SDK1: variants seen among roughly 807,000 people sequenced by gnomAD.
SDK1 encodes the protein protein sidekick-1.
SDK1 carries 157 observed loss-of-function variants against 245.5 expected under a neutral mutation model. That is an observed-to-expected ratio of 0.64 (90% CI 0.56 to 0.73). The LOEUF is 0.73. Among genes scored for constraint, SDK1 ranks in the 30% least tolerant of loss-of-function variants. The probability of loss-of-function intolerance (pLI) is 0.00; values close to 1 mark genes in which losing one functional copy is unlikely to be tolerated. For missense variants in SDK1, 3,583 were observed against 3,002.3 expected (o/e 1.19, Z -4.52); for synonymous variants, 1,647 against 1,278.5 (o/e 1.29, Z -6.15).
intron 5 of SDK1, among the ~76,000 whole-genome samples, chr7:3,909,745 C>T (rs889816561): frequency 2.0e-5 from 3 of 152,200 alleles, no homozygotes; most frequent in African/African-American, 4.8e-5. Flanking sequence ...ATTAAAGAAC[C>T]ATCCGTCTCT....
chr7:3,554,982 C>T (rs1479539100), intron 1 of SDK1, among the ~76,000 whole-genome samples: 1 of 152,120 alleles, frequency 6.6e-6, no homozygotes, highest in African/African-American at 2.4e-5. Flanking sequence ...TTTGAAGAAT[C>T]AATATTGTTC....
intron 7 of SDK1, chr7:3,958,261 G>C: frequency 7.3e-6 from 2 of 275,068 alleles, no homozygotes; most frequent in South Asian, 3.2e-5. Flanking sequence ...TTGAATTTCT[G>C]CTGAATAAAC....
chr7:3,622,078 A>T (rs537210711), intron 2 of SDK1, among the ~76,000 whole-genome samples: 8 of 152,332 alleles, frequency 5.3e-5, no homozygotes, highest in South Asian at 4.1e-4. Flanking sequence ...CGTGGTGTCT[A>T]TGAGGGTAGG....
At chr7:4,088,122 C>G (rs1355588065) in intron 22 of SDK1, among the ~76,000 whole-genome samples, 2 of 152,226 alleles carry the variant, frequency 1.3e-5, no homozygotes, top group East Asian at 3.9e-4. Context: ...GCCATGAAGC[C>G]GGATTGGAGC....
intron 22 of SDK1, among the ~76,000 whole-genome samples, chr7:4,087,565 C>G (rs1361964204): frequency 6.6e-6 from 1 of 152,136 alleles, no homozygotes; most frequent in Non-Finnish European, 1.5e-5. Flanking sequence ...TTGAATCTTT[C>G]TGTTCAGGAT....
At chr7:3,601,171 G>C (rs531705278) in intron 1 of SDK1, among the ~76,000 whole-genome samples, 3 of 152,188 alleles carry the variant, frequency 2.0e-5, no homozygotes, top group African/African-American at 7.2e-5. Flanking sequence ...AGAGATACTG[G>C]TCTATAGTTT....
chr7:3,918,095 T>A (rs1268837016), intron 5 of SDK1, among the ~76,000 whole-genome samples: 1 of 152,148 alleles, frequency 6.6e-6, no homozygotes, highest in African/African-American at 2.4e-5. Flanking sequence ...TGGATCTCAG[T>A]TCAGCCATCC....
At chr7:4,094,857 C>G (rs1782047558) in intron 22 of SDK1, among the ~76,000 whole-genome samples, 1 of 152,162 alleles carries the variant, frequency 6.6e-6, no homozygotes, top group African/African-American at 2.4e-5. Context: ...CAGGCAGAGT[C>G]AAGCATCAGG....
chr7:3,909,087 A>T (rs1432192098), intron 5 of SDK1, among the ~76,000 whole-genome samples: 1 of 152,182 alleles, frequency 6.6e-6, no homozygotes, highest in African/African-American at 2.4e-5. Context: ...AGTTGCCCTA[A>T]AAGTTATTTA....
At chr7:3,946,865 C>A (rs1780596877) in intron 5 of SDK1, among the ~76,000 whole-genome samples, 1 of 152,132 alleles carries the variant, frequency 6.6e-6, no homozygotes, top group Non-Finnish European at 1.5e-5. Context: ...TAAAAGAGAA[C>A]AGTACAAAAG....
chr7:3,368,131 C>G (rs557731315), intron 1 of SDK1, among the ~76,000 whole-genome samples: 2 of 152,108 alleles, frequency 1.3e-5, no homozygotes, highest in African/African-American at 2.4e-5. Context: ...TAAAATTAGT[C>G]CTAGTAATAA....
intron 19 of SDK1, among the ~76,000 whole-genome samples, chr7:4,053,288 G>C: frequency 6.6e-6 from 1 of 151,790 alleles, no homozygotes; most frequent in Non-Finnish European, 1.5e-5. Context: ...CATTTGCAGA[G>C]GCCAAGGCCA....
chr7:4,210,263 G>C, intron 38 of SDK1, 101 bp downstream of exon 38: 1 of 1,210,484 alleles, frequency 8.3e-7, no homozygotes, highest in Non-Finnish European at 1.1e-6. Flanking sequence ...TGTGGGCCAG[G>C]AGCCTTCTGG....
Position 3,753,953 on chromosome 7 carries a change from G to T in SDK1, c.714-67497G>T, listed in dbSNP as rs190816638. On this transcript the variant is annotated intron_variant, in intron 4 of 44. Coordinates refer to ENST00000404826, the MANE Select transcript of SDK1 (RefSeq NM_152744.4). Reference sequence around the variant, plus strand: ...GAAAGTAGAATGAAAAATAATTAATGATTTGATGAGGAAAATCTAAAAGAA... The same window carrying T: ...GAAAGTAGAATGAAAAATAATTAATTATTTGATGAGGAAAATCTAAAAGAA... Among the ~76,000 whole-genome samples the T allele has an allele frequency of 3.4e-3, 525 of 152,300 alleles. 3 individuals carry two copies. Among genetic ancestry groups the T allele is most frequent in the South Asian group, 0.016 (77 of 4,828 alleles).
intron 4 of SDK1, among the ~76,000 whole-genome samples, chr7:3,728,962 A>G (rs1158618236): frequency 6.6e-6 from 1 of 152,140 alleles, no homozygotes; most frequent in African/African-American, 2.4e-5. Flanking sequence ...AAAAACTTGT[A>G]TTTAAAAATT....
chr7:4,098,513 A>C (rs1006349683), intron 22 of SDK1, among the ~76,000 whole-genome samples: 2 of 152,084 alleles, frequency 1.3e-5, no homozygotes, highest in African/African-American at 4.8e-5. Context: ...GCAGACACTT[A>C]TTAAGCACCT....
rs559373871 is a variant in SDK1, at chr7:4,077,373, T to C, written c.3202+184T>C. Among the ~76,000 whole-genome samples, 4 of 152,346 alleles carry C rather than the reference T, an allele frequency of 2.6e-5. No individual in the cohort carries two copies. In the East Asian group the frequency reaches 7.7e-4, roughly 29 times the overall value. On this transcript the variant is annotated intron_variant, in intron 21 of 44. Transcript: ENST00000404826. ...CACTTCAGCCCCATTCTCCAGAGCA[T>C]TCCACCACGGCCTCACGTCCCTTCT...
At chr7:3,462,433 A>G (rs763108808) in intron 1 of SDK1, among the ~76,000 whole-genome samples, 2 of 152,128 alleles carry the variant, frequency 1.3e-5, no homozygotes, top group Non-Finnish European at 2.9e-5. Flanking sequence ...TTCCATTCTC[A>G]ACCTACAATC....
chr7:3,582,683 TAAAAAAA>T (rs71029682), intron 1 of SDK1, among the ~76,000 whole-genome samples: 26 of 69,684 alleles, frequency 3.7e-4, no homozygotes, highest in African/African-American at 9.6e-4. Context: ...TAAACTAAAG[TAAAAAAA>T]AAAAAAAAAA....
Sources: gnomAD v4.1 joint callset for allele counts (sites outside exome capture counted in the v4.1 genomes callset) on GRCh38, gnomAD v4.1.1 for gene constraint, MANE v1.5 for transcripts, NCBI Gene and HGNC (gene_info 2026-07-23, HGNC 2026-07-21) for gene names.